Variants in LRP4 observed in about 807,000 individuals in gnomAD.
The protein encoded by LRP4 is LDL receptor related protein 4.
LRP4 carries 95 observed loss-of-function variants against 220.3 expected under a neutral mutation model. The ratio of observed to expected loss-of-function variants is 0.43; its 90% CI spans 0.37 to 0.51. The LOEUF is 0.51. Among genes scored for constraint, LRP4 ranks in the 20% least tolerant of loss-of-function variants. LRP4 has a pLI of 0.00. For missense variants in LRP4, 1,925 were observed against 2,567.0 expected, an observed-to-expected ratio of 0.75 and a Z score of 5.40; for synonymous variants, 903 against 954.6, an observed-to-expected ratio of 0.95 and a Z score of 1.00.
chr11:46,882,689 A>C (rs1941190670), intron 19 of LRP4, among the ~76,000 whole-genome samples: 1 of 132,104 alleles, frequency 7.6e-6, no homozygotes, highest in African/African-American at 2.6e-5. Context: ...CCATCTCTAC[A>C]AAAAAAAACT....
Position 46,899,794 on chromosome 11 carries a change from G to T in LRP4, c.430+69C>A. ...GTTTGGCAGTGCTAGGGCCATTGCT[G>T]CTATCTTCTCCCATGGCCAGGCCAC... On this transcript the variant is annotated intron_variant, in intron 4 of 37. Transcript: ENST00000378623. This position sits in a 1 kb window ranked among gnomAD's most constrained non-coding sequence, Gnocchi z 5.9. The T allele has an allele frequency of 1.6e-6, 2 of 1,273,144 alleles. No homozygotes were observed. Among genetic ancestry groups the T allele is most frequent in the Non-Finnish European group, 2.3e-6 (2 of 874,414 alleles). 78.9% of individuals were successfully genotyped at this position (1,273,144 alleles called of 1,614,324 possible).
chr11:46,917,189 C>T (rs1941958907), intron 1 of LRP4, among the ~76,000 whole-genome samples: 1 of 152,218 alleles, frequency 6.6e-6, no homozygotes, highest in African/African-American at 2.4e-5. Flanking sequence ...TTTTTCCACA[C>T]GAGCTGTCCT....
chr11:46,864,645 C>T (rs1385806602), intron 35 of LRP4, 110 bp from the exon 36 acceptor site: 2 of 774,338 alleles, frequency 2.6e-6, no homozygotes, highest in Admixed American at 3.8e-5. Context: ...GGACCCCATA[C>T]CATCTGAGGA....
chr11:46,889,845 A>G, intron 15 of LRP4, 99 bp downstream of exon 15: 2 of 1,369,844 alleles, frequency 1.5e-6, no homozygotes, highest in East Asian at 2.3e-5. Flanking sequence ...TCCCCATCAG[A>G]AGAAATGGCA....
chr11:46,875,225 G>A lies in LRP4; in HGVS notation c.3926-122C>T. ...AAGTGACAGGATTCAGTGCCTGGCA[G>A]GGTGAGGTAGAAGGAGGGTCTGCAG... On this transcript the variant is annotated intron_variant, in intron 27 of 37. Coordinates refer to ENST00000378623, the MANE Select transcript of LRP4 (RefSeq NM_002334.4). This position sits in a 1 kb window ranked among gnomAD's most constrained non-coding sequence, Gnocchi z 4.5. 9.1e-7 allele frequency: 1 copy of A among 1,095,942 alleles called. No individual in the cohort carries two copies. The highest frequency in any genetic ancestry group is 2.0e-5 in the Admixed American group (1 of 50,606). The allele number at this position is 1,095,942 out of a possible 1,614,324, so 67.9% of individuals were successfully genotyped here. A position where few individuals can be genotyped will look rare whatever the true frequency, so the allele number is the denominator to read the frequency against.
chr11:46,879,254 T>C lies in LRP4; in HGVS notation c.2876A>G (p.Tyr959Cys), dbSNP rs1941094198. 1.9e-6 allele frequency: 3 copies of C among 1,614,222 alleles called. No individual in the cohort carries two copies. The highest frequency in any genetic ancestry group is 1.7e-6 in the Non-Finnish European group (2 of 1,180,040). ...GCTCTTGGTCTGCCAGTCAGTCCAA[T>C]AGATGCGCTCTCCATAGAGGGTCAG... Reference protein sequence around the residue: ...FGLTLYGERIYWTDWQTKSIQ... With the variant: ...FGLTLYGERICWTDWQTKSIQ... The change falls in exon 21 of 38, where the codon TAT becomes TGT. Residue 959 changes from tyrosine (Y) to cysteine (C), a missense_variant. By Grantham distance (194) the Tyr-to-Cys change is radical. Transcript: ENST00000378623.
In LRP4 at chr11:46,889,270, C is replaced by A. The variant is rs1941366906; in HGVS notation, c.2215+141G>T. 20 of 1,150,188 alleles carry A rather than the reference C, an allele frequency of 1.7e-5. No homozygotes were observed. In the South Asian group the frequency reaches 2.4e-4, roughly 14 times the overall value. 71.2% of individuals were successfully genotyped at this position (1,150,188 alleles called of 1,614,324 possible). On this transcript the variant is annotated intron_variant, in intron 16 of 37. Transcript: ENST00000378623. ...CAGCTTTGATAGAAGATCCCTCAGC[C>A]TCTTAAGTTCTTCCTCTCCAGGGCT... is the stretch of plus-strand genomic sequence containing the variant.
intron 28 of LRP4, chr11:46,874,053 G>A (rs1210205413): frequency 5.1e-5 from 9 of 176,598 alleles, no homozygotes; most frequent in Non-Finnish European, 7.3e-5. Flanking sequence ...CAATCTTCCC[G>A]CCTTGGCCTC....
At chr11:46,900,086 C>A in intron 3 of LRP4, 110 bp from the exon 4 acceptor site, 2 of 1,029,534 alleles carry the variant, frequency 1.9e-6, no homozygotes, top group Non-Finnish European at 3.0e-6. Context: ...GCCCTGAGGG[C>A]TCCGAAGGAG....
chr11:46,902,446 T>C (rs1363849000), intron 2 of LRP4, among the ~76,000 whole-genome samples: 2 of 151,764 alleles, frequency 1.3e-5, no homozygotes, highest in Admixed American at 1.3e-4. Context: ...AGTATATAAA[T>C]TTTAAAACGC....
chr11:46,916,723 C>A (rs1941951714), intron 1 of LRP4, among the ~76,000 whole-genome samples: 1 of 151,304 alleles, frequency 6.6e-6, no homozygotes, highest in Non-Finnish European at 1.5e-5. Flanking sequence ...TTTCCCAGTG[C>A]CTTGCCATTT....
chr11:46,862,559 C>T, intron 37 of LRP4, 47 bp downstream of exon 37: 1 of 1,608,184 alleles, frequency 6.2e-7, no homozygotes, highest in Non-Finnish European at 8.5e-7. Context: ...AAAATCCCTC[C>T]CCACACCTCG....
chr11:46,873,972 CAATTTT>C lies in LRP4; in HGVS notation c.4230-385_4230-380del, dbSNP rs1940941189. 1 of 241,114 alleles carries C rather than the reference CAATTTT, an allele frequency of 4.1e-6. No homozygotes were observed. Among genetic ancestry groups the C allele is most frequent in the Non-Finnish European group, 8.0e-6 (1 of 124,436 alleles). 14.9% of individuals were successfully genotyped at this position (241,114 alleles called of 1,614,324 possible). A position where few individuals can be genotyped will look rare whatever the true frequency, so the allele number is the denominator to read the frequency against. On this transcript the variant is annotated intron_variant, in intron 28 of 37. Coordinates refer to ENST00000378623, the MANE Select transcript of LRP4 (RefSeq NM_002334.4). The surrounding 1 kb of genome is among the most constrained non-coding windows in gnomAD (Gnocchi z 4.2). ...CTGTGCATTTTTTAAAAGTTAAAAACAATTTTAAATACAAGTAGATATGAGGTTTCA... is the reference window on the plus strand; with the variant it reads ...CTGTGCATTTTTTAAAAGTTAAAAACAAATACAAGTAGATATGAGGTTTCA...
At chr11:46,896,763 A>G (rs1489883596) in intron 8 of LRP4, 106 bp downstream of exon 8, 1 of 1,551,674 alleles carries the variant, frequency 6.4e-7, no homozygotes, top group South Asian at 1.1e-5. Context: ...TGGATTTTAC[A>G]CTGGTAAAAC....
Position 46,881,865 on chromosome 11 carries a change from A to G in LRP4, c.2651T>C (p.Ile884Thr). ...TGAGGCATCCATGCCAGCTCGTTCA[A>G]TCTTGGGGCTCGCACCCCAGTCAGT... ...YWTDWGASPK[I>T]ERAGMDASGR... is the part of the protein sequence containing the mutation. Residue 884 changes from isoleucine (I) to threonine (T), a missense_variant, in exon 20 of 38, where the codon ATT becomes ACT. Ile to Thr is a moderately conservative substitution (Grantham distance 89, BLOSUM62 -1). Transcript: ENST00000378623. 1 of 1,614,184 alleles carries G rather than the reference A, an allele frequency of 6.2e-7. No individual in the cohort carries two copies. Among genetic ancestry groups the G allele is most frequent in the Non-Finnish European group, 8.5e-7 (1 of 1,179,998 alleles).
At chr11:46,896,372 G>T in intron 8 of LRP4, 37 bp from the exon 9 acceptor site, 2 of 1,609,520 alleles carry the variant, frequency 1.2e-6, no homozygotes. Context: ...GCAAGGCAGG[G>T]CTTGGGCCAA....
Position 46,858,918 on chromosome 11 carries a change from G to A in LRP4, c.*65C>T, listed in dbSNP as rs1018134483. 64 of 1,482,708 alleles carry A rather than the reference G, an allele frequency of 4.3e-5. No individual in the cohort carries two copies. The highest frequency in any genetic ancestry group is 6.8e-5 in the South Asian group (6 of 88,066). The allele number at this position is 1,482,708 out of a possible 1,614,324, so 91.8% of individuals were successfully genotyped here. On this transcript the variant is annotated 3_prime_UTR_variant, in exon 38 of 38. Coordinates refer to ENST00000378623, the MANE Select transcript of LRP4 (RefSeq NM_002334.4). Reference sequence around the variant, plus strand: ...CAGAAGCGGGGCCTGCGGTGTAAGCGAGCACAAGGACTAGACGTCCATAAA... The same window carrying A: ...CAGAAGCGGGGCCTGCGGTGTAAGCAAGCACAAGGACTAGACGTCCATAAA...
intron 20 of LRP4, among the ~76,000 whole-genome samples, chr11:46,880,300 CAA>C (rs34098785): frequency 2.6e-3 from 218 of 84,252 alleles, no homozygotes; most frequent in South Asian, 8.2e-3. Context: ...ACTGCAGTCT[CAA>C]AAAAAAAAAA....
At chr11:46,906,445 G>C (rs1275514545) in intron 1 of LRP4, among the ~76,000 whole-genome samples, 1 of 150,346 alleles carries the variant, frequency 6.7e-6, no homozygotes, top group Non-Finnish European at 1.5e-5. Context: ...AACACAGCGA[G>C]ACTCTGTCTC....
Sources: allele counts gnomAD v4.1 joint callset (sites outside exome capture counted in the v4.1 genomes callset), GRCh38; gene constraint gnomAD v4.1.1; non-coding constraint Gnocchi (gnomAD v3.1); transcripts MANE v1.5; gene names NCBI Gene and HGNC (gene_info 2026-07-23, HGNC 2026-07-21).